CAMK2A: variants seen among roughly 807,000 people sequenced by gnomAD.
CAMK2A encodes the protein calcium/calmodulin-dependent protein kinase type II subunit alpha.
In CAMK2A, 7 loss-of-function variants were observed where a neutral mutation model predicts 79.2. The ratio of observed to expected loss-of-function variants is 0.09; its 90% confidence interval spans 0.05 to 0.17. The LOEUF is 0.17. Ranked by LOEUF, CAMK2A falls within the 10% of genes least tolerant of loss-of-function variation. The pLI is 1.00. For synonymous variants in CAMK2A, 242 were observed against 251.7 expected (o/e 0.96, Z 0.36); for missense variants, 214 against 646.4 (o/e 0.33, Z 7.25).
chr5:150,231,804 G>A (rs548735815), intron 15 of CAMK2A, among the ~76,000 whole-genome samples: 1 of 152,264 alleles, frequency 6.6e-6, no homozygotes, highest in Admixed American at 6.5e-5. Context: ...AGGATCAACT[G>A]TGGCACTGTC....
At chr5:150,280,087 G>A (rs763055025) in intron 1 of CAMK2A, among the ~76,000 whole-genome samples, 1 of 152,136 alleles carries the variant, frequency 6.6e-6, no homozygotes, top group Non-Finnish European at 1.5e-5. Context: ...TGAAAGATGC[G>A]ACCAGCCCTG....
intron 1 of CAMK2A, among the ~76,000 whole-genome samples, chr5:150,278,515 T>G (rs1757059039): frequency 6.6e-6 from 1 of 150,514 alleles, no homozygotes; most frequent in Admixed American, 6.6e-5. Flanking sequence ...AGCAGATGGG[T>G]GGGTGGGCCA....
intron 16 of CAMK2A, among the ~76,000 whole-genome samples, chr5:150,229,101 C>A (rs1549914): frequency 0.45 from 68,523 of 151,942 alleles, 17,777 homozygotes; most frequent in East Asian, 0.62. Flanking sequence ...TGTCCCAGGA[C>A]AAGCAAAGCT....
At chr5:150,252,162 T>C in intron 7 of CAMK2A, 97 bp from the exon 8 acceptor site, 1 of 953,938 alleles carries the variant, frequency 1.0e-6, no homozygotes, top group Non-Finnish European at 1.6e-6. Context: ...TGAGGATTGC[T>C]CTGGAGCTGA....
intron 3 of CAMK2A, among the ~76,000 whole-genome samples, chr5:150,262,456 C>T (rs117947092): frequency 1.3e-5 from 2 of 152,274 alleles, no homozygotes; most frequent in East Asian, 1.9e-4. Flanking sequence ...CTCAAAGCTC[C>T]TCTGGGGTCT....
chr5:150,256,491 A>C lies in CAMK2A; in HGVS notation c.411+82T>G, dbSNP rs1756062514. 1 of 906,964 alleles carries C rather than the reference A, an allele frequency of 1.1e-6. No homozygotes were observed. Among genetic ancestry groups the C allele is most frequent in the Non-Finnish European group, 1.8e-6 (1 of 560,244 alleles). 56.2% of individuals were successfully genotyped at this position (906,964 alleles called of 1,614,324 possible). ...ACAGAGAAATTAAAGCGATTCTGAT[A>C]ATGTCCAGCTCTGCAGGATTAGGGA... is the stretch of plus-strand genomic sequence containing the variant. On this transcript the variant is annotated intron_variant, in intron 6 of 18. Transcript: ENST00000671881. This position sits in a 1 kb window ranked among gnomAD's most constrained non-coding sequence, Gnocchi z 4.6.
chr5:150,232,442 G>A (rs1010576125), intron 15 of CAMK2A, among the ~76,000 whole-genome samples: 2 of 152,322 alleles, frequency 1.3e-5, no homozygotes, highest in Admixed American at 6.5e-5. Flanking sequence ...AGGTAGGCAA[G>A]GTCAGCTTCC....
chr5:150,247,778 A>G lies in CAMK2A; in HGVS notation c.937T>C (p.Phe313Leu). The G allele has an allele frequency of 6.2e-7, 1 of 1,612,046 alleles. No homozygotes were observed. Among genetic ancestry groups the G allele is most frequent in the Non-Finnish European group, 8.5e-7 (1 of 1,179,278 alleles). The stretch of plus-strand genomic sequence containing the variant: ...CTGAGGTCCTGCCACCTACCGGAGA[A>G]GTTCCTGGTGGCCAGCATCGTGGTG... Reference protein sequence around the residue: ...ILTTMLATRNFSGGKSGGNKK... With the variant: ...ILTTMLATRNLSGGKSGGNKK... Residue 313 changes from phenylalanine to leucine, a missense_variant, in exon 12 of 19, where the codon TTC (phenylalanine) becomes CTC (leucine). Physicochemically the swap from Phe to Leu is conservative, Grantham distance 22 (BLOSUM62 0). This residue lies in a region of CAMK2A where 123 missense variants were observed against 242.4 expected (regional missense o/e 0.51). Coordinates refer to ENST00000671881, the MANE Select transcript of CAMK2A (RefSeq NM_015981.4).
intron 15 of CAMK2A, among the ~76,000 whole-genome samples, chr5:150,237,929 G>A (rs367961284): frequency 2.0e-5 from 3 of 151,510 alleles, no homozygotes; most frequent in Admixed American, 1.3e-4. Context: ...CAGTGGCGCC[G>A]GCATCTTTGG....
At chr5:150,287,309 T>G (rs1165582174) in intron 1 of CAMK2A, among the ~76,000 whole-genome samples, 1 of 152,260 alleles carries the variant, frequency 6.6e-6, no homozygotes, top group African/African-American at 2.4e-5. Context: ...TTTGTGCGTT[T>G]TTCTGGGGAA....
chr5:150,221,749 CAA>C lies in CAMK2A; in HGVS notation c.*959_*960del, dbSNP rs35164363. The C allele has an allele frequency of 0.037, 11,584 of 312,756 alleles. 34 individuals carry two copies. Among genetic ancestry groups the C allele is most frequent in the African/African-American group, 0.048 (1,769 of 37,088 alleles). The allele number at this position is 312,756 out of a possible 1,614,324, so 19.4% of individuals were successfully genotyped here. A position where few individuals can be genotyped will look rare whatever the true frequency, so the allele number is the denominator to read the frequency against. On this transcript the variant is annotated 3_prime_UTR_variant, in exon 19 of 19. Coordinates refer to ENST00000671881, the MANE Select transcript of CAMK2A (RefSeq NM_015981.4). ...GTGACAAGGTCCACCTCAGAGATGA[CAA>C]AAAAAAAAAAAAAAACTAGAACAGA...
intron 13 of CAMK2A, 84 bp downstream of exon 13, chr5:150,245,077 G>A: frequency 2.9e-6 from 4 of 1,374,672 alleles, no homozygotes; most frequent in South Asian, 1.2e-5. Flanking sequence ...CAAGGCCCGG[G>A]TCTTGCTCCA....
chr5:150,256,474 A>G lies in CAMK2A; in HGVS notation c.411+99T>C. 2.5e-6 allele frequency: 2 copies of G among 801,918 alleles called. No homozygotes were observed. The highest frequency in any genetic ancestry group is 1.7e-5 in the African/African-American group (1 of 58,806). The allele number at this position is 801,918 out of a possible 1,614,324, so 49.7% of individuals were successfully genotyped here. On this transcript the variant is annotated intron_variant, in intron 6 of 18. Coordinates refer to ENST00000671881, the MANE Select transcript of CAMK2A (RefSeq NM_015981.4). This position sits in a 1 kb window ranked among gnomAD's most constrained non-coding sequence, Gnocchi z 4.6. ...CCACCTTCCAGCCTAACACAGAGAA[A>G]TTAAAGCGATTCTGATAATGTCCAG... is the stretch of plus-strand genomic sequence containing the variant.
At chr5:150,241,296 C>G (rs1293022424) in intron 13 of CAMK2A, among the ~76,000 whole-genome samples, 1 of 152,096 alleles carries the variant, frequency 6.6e-6, no homozygotes, top group Non-Finnish European at 1.5e-5. Context: ...TGCAGTCAGC[C>G]CCTCATCTCC....
rs1757578392 is a variant in CAMK2A at position 150,289,616 on chromosome 5, T to C, written c.10A>G (p.Ile4Val). 1 of 1,613,714 alleles carries C rather than the reference T, an allele frequency of 6.2e-7. No individual in the cohort carries two copies. The highest frequency in any genetic ancestry group is 8.5e-7 in the Non-Finnish European group (1 of 1,179,862). The change falls in exon 1 of 19, where the codon ATC becomes GTC. Residue 4 changes from isoleucine to valine, a missense_variant. Physicochemically the swap from Ile to Val is conservative, Grantham distance 29. Transcript: ENST00000671881. MAT[I>V]TCTRFTEEYQ... ...TCTTCCGTGAAGCGGGTGCAGGTGA[T>C]GGTGGCCATCCTGGCGCTGGGCAGG...
rs891550455 is a variant in CAMK2A, at chr5:150,222,837, G to T, written c.1467-124C>A. The T allele has an allele frequency of 4.3e-6, 6 of 1,405,218 alleles. No homozygotes were observed. The African/African-American group carries it at 5.7e-5, about 13-fold the overall frequency. 87.0% of individuals were successfully genotyped at this position (1,405,218 alleles called of 1,614,324 possible). On this transcript the variant is annotated intron_variant, in intron 18 of 18. Coordinates refer to ENST00000671881, the MANE Select transcript of CAMK2A (RefSeq NM_015981.4). ...TGGCTCCTGCCCAGCTCTTCCCCCA[G>T]ACCTGCAGGCCTGGCCCCCTTCTTG...
Position 150,223,018 on chromosome 5 carries a change from G to A in CAMK2A, c.1437C>T (p.His479=), listed in dbSNP as rs954139326. The change falls in exon 18 of 19, where the codon CAC becomes CAT. Residue 479 remains histidine (H), a synonymous_variant. Transcript: ENST00000671881. The surrounding 1 kb of genome is among the most constrained non-coding windows in gnomAD (Gnocchi z 4.1). The stretch of plus-strand genomic sequence containing the variant: ...GCAGGACGGAGGGCGCCCCAGATCT[G>A]TGGAAGTGGACGATCTGCCATTTGC... ...RDGKWQIVHF[H]RSGAPSVLPH The A allele has an allele frequency of 1.9e-6, 3 of 1,614,164 alleles. No individual in the cohort carries two copies. Among genetic ancestry groups the A allele is most frequent in the Admixed American group, 3.3e-5 (2 of 60,036 alleles).
At chr5:150,236,566 A>C (rs1191896042) in intron 15 of CAMK2A, among the ~76,000 whole-genome samples, 1 of 152,196 alleles carries the variant, frequency 6.6e-6, no homozygotes, top group African/African-American at 2.4e-5. Context: ...TCATTCAGCA[A>C]ATGGACTCCA....
intron 7 of CAMK2A, among the ~76,000 whole-genome samples, chr5:150,252,285 C>T (rs1755870899): frequency 1.3e-5 from 2 of 152,186 alleles, no homozygotes; most frequent in Admixed American, 6.5e-5. Flanking sequence ...TCGACAACTA[C>T]CTAGCACACC....
Sources: gnomAD v4.1 joint callset for allele counts (sites outside exome capture counted in the v4.1 genomes callset) on GRCh38, gnomAD v4.1.1 for gene constraint, gnomAD v4.1.1 regional missense constraint, Gnocchi (gnomAD v3.1) non-coding constraint, MANE v1.5 for transcripts, NCBI Gene and HGNC (gene_info 2026-07-23, HGNC 2026-07-21) for gene names.